Variants in ZNF362 observed in about 807,000 individuals in gnomAD.
The protein encoded by ZNF362 is zinc finger protein 362.
A neutral mutation model predicts 42.9 loss-of-function variants in ZNF362; 11 were observed. The ratio of observed to expected loss-of-function variants is 0.26; its 90% CI spans 0.16 to 0.42. ZNF362 has a LOEUF of 0.42. Ranked by LOEUF, ZNF362 falls within the 20% of genes least tolerant of loss-of-function variation. ZNF362 has a pLI of 1.00. For missense variants in ZNF362, 362 were observed against 576.2 expected (o/e 0.63, Z 3.81); for synonymous variants, 255 against 257.3 (o/e 0.99, Z 0.09).
At chr1:33,204,675 A>T in the ZNF362 span, among the ~76,000 whole-genome samples, 2 of 152,218 alleles carry the variant, frequency 1.3e-5, no homozygotes, top group Non-Finnish European at 2.9e-5. Context: ...TACAGTTTAC[A>T]GCATACTTCA....
At chr1:33,153,806 CAG>C in the ZNF362 span, among the ~76,000 whole-genome samples, 2 of 152,206 alleles carry the variant, frequency 1.3e-5, no homozygotes, top group Non-Finnish European at 2.9e-5. Flanking sequence ...ATTCTAGAAA[CAG>C]AACTGAGACT....
the ZNF362 span, among the ~76,000 whole-genome samples, chr1:33,147,982 C>T: frequency 6.6e-6 from 1 of 152,168 alleles, no homozygotes; most frequent in Non-Finnish European, 1.5e-5. The surrounding 1 kb of genome is among the most constrained non-coding windows in gnomAD (Gnocchi z 8.1). Flanking sequence ...GCCTGATGCC[C>T]AGGGCGGAGC....
At chr1:33,239,914 A>G in the ZNF362 span, among the ~76,000 whole-genome samples, 2 of 152,226 alleles carry the variant, frequency 1.3e-5, no homozygotes, top group South Asian at 4.1e-4. Context: ...AATGATAGTA[A>G]CAGACTATCA....
At chr1:33,258,047 G>T (rs1020272281) in intron 1 of ZNF362, among the ~76,000 whole-genome samples, 2 of 152,160 alleles carry the variant, frequency 1.3e-5, no homozygotes, top group Non-Finnish European at 2.9e-5. Flanking sequence ...GGCCCAGTGG[G>T]TCCCGTCTGA....
At chr1:33,260,124 G>A (rs1296098645) in intron 1 of ZNF362, among the ~76,000 whole-genome samples, 1 of 152,192 alleles carries the variant, frequency 6.6e-6, no homozygotes, top group Non-Finnish European at 1.5e-5. Context: ...TTTGAGAACC[G>A]TGATGCTGGT....
At chr1:33,250,606 A>C in the ZNF362 span, among the ~76,000 whole-genome samples, 13 of 152,246 alleles carry the variant, frequency 8.5e-5, no homozygotes, top group East Asian at 2.1e-3. Flanking sequence ...GGGGAGGGAG[A>C]GCATCAGGAA....
At chr1:33,264,271 G>A (rs929863365) in intron 1 of ZNF362, among the ~76,000 whole-genome samples, 8 of 152,042 alleles carry the variant, frequency 5.3e-5, no homozygotes, top group African/African-American at 1.7e-4. Context: ...GTCCCTGTGG[G>A]TCCTGAAGGC....
At chr1:33,279,490 T>TAA (rs11408318) in intron 4 of ZNF362, among the ~76,000 whole-genome samples, 9 of 151,098 alleles carry the variant, frequency 6.0e-5, no homozygotes, top group Middle Eastern at 3.4e-3. Flanking sequence ...TTTTTTTTTT[T>TAA]AAAAAAACAT....
At chr1:33,216,599 C>CAAAAAAAAAAAAAA in the ZNF362 span, among the ~76,000 whole-genome samples, 38 of 71,876 alleles carry the variant, frequency 5.3e-4, no homozygotes, top group South Asian at 1.1e-3. Context: ...GACTCTGTCT[C>CAAAAAAAAAAAAAA]AAAAAAAAAA....
the ZNF362 span, among the ~76,000 whole-genome samples, chr1:33,172,945 T>C: frequency 3.3e-5 from 5 of 152,218 alleles, no homozygotes; most frequent in Non-Finnish European, 7.3e-5. Context: ...TAAAGTGAGA[T>C]GGCACCTATG....
the ZNF362 span, among the ~76,000 whole-genome samples, chr1:33,157,544 TC>T: frequency 8.3e-3 from 1,269 of 152,272 alleles, 17 homozygotes; most frequent in African/African-American, 0.029. Context: ...TTTACTTTTG[TC>T]TACTTTCTAT....
chr1:33,282,083 C>T, intron 6 of ZNF362: 1 of 490,710 alleles, frequency 2.0e-6, no homozygotes, highest in East Asian at 3.6e-5. Flanking sequence ...TCCCCTTGTC[C>T]TCTCTCAGTC....
the ZNF362 span, among the ~76,000 whole-genome samples, chr1:33,205,226 A>G: frequency 3.9e-5 from 6 of 152,172 alleles, no homozygotes; most frequent in Admixed American, 3.9e-4. Context: ...GCTCACAACT[A>G]TAACGTCAGC....
chr1:33,198,335 A>G, the ZNF362 span, among the ~76,000 whole-genome samples: 8 of 152,082 alleles, frequency 5.3e-5, no homozygotes, highest in Non-Finnish European at 7.4e-5. Flanking sequence ...GTGAGATGCT[A>G]TCTCTATTAA....
At chr1:33,263,468 T>C (rs971591808) in intron 1 of ZNF362, among the ~76,000 whole-genome samples, 1 of 151,814 alleles carries the variant, frequency 6.6e-6, no homozygotes, top group Non-Finnish European at 1.5e-5. Context: ...TGGAGTGCAG[T>C]GGCACAATCT....
the ZNF362 span, among the ~76,000 whole-genome samples, chr1:33,219,612 C>T: frequency 2.6e-5 from 4 of 152,114 alleles, no homozygotes; most frequent in African/African-American, 9.7e-5. Context: ...AGGGGTGAGA[C>T]GGGGCATGCC....
chr1:33,286,986 A>G (rs1646037545), intron 6 of ZNF362, among the ~76,000 whole-genome samples: 1 of 152,172 alleles, frequency 6.6e-6, no homozygotes, highest in African/African-American at 2.4e-5. Context: ...GCTTGGGAGC[A>G]TGGTCGGAGT....
chr1:33,176,923 A>G, the ZNF362 span, among the ~76,000 whole-genome samples: 1 of 152,188 alleles, frequency 6.6e-6, no homozygotes, highest in Non-Finnish European at 1.5e-5. Flanking sequence ...GGCTCGATGA[A>G]TATTGGCTGA....
At chr1:33,140,064 G>A in the ZNF362 span, among the ~76,000 whole-genome samples, 1 of 152,178 alleles carries the variant, frequency 6.6e-6, no homozygotes, top group Non-Finnish European at 1.5e-5. This position sits in a 1 kb window ranked among gnomAD's most constrained non-coding sequence, Gnocchi z 4.0. Flanking sequence ...AAAGAAGTGG[G>A]GAAGGACTTT....
Sources: gnomAD v4.1 joint callset for allele counts (sites outside exome capture counted in the v4.1 genomes callset) on GRCh38, gnomAD v4.1.1 for gene constraint, Gnocchi (gnomAD v3.1) non-coding constraint, MANE v1.5 for transcripts, NCBI Gene and HGNC (gene_info 2026-07-23, HGNC 2026-07-21) for gene names.